The following GULP1 variants were observed in gnomAD, a reference collection of about 807,000 sequenced individuals.
The protein encoded by GULP1 is PTB domain-containing engulfment adapter protein 1.
Under a neutral mutation model 40.9 loss-of-function variants are expected in GULP1, and 19 were observed. That is an observed-to-expected ratio of 0.46 (90% CI 0.32 to 0.68). The LOEUF (loss-of-function observed/expected upper bound fraction) is 0.68. Ranked by LOEUF, GULP1 falls within the 30% of genes least tolerant of loss-of-function variation. The pLI, the probability that GULP1 is intolerant of heterozygous loss-of-function variation, is 0.03. For synonymous variants in GULP1, 119 were observed against 117.6 expected, an observed-to-expected ratio of 1.01 and a Z score of -0.08; for missense variants, 312 against 362.2, an observed-to-expected ratio of 0.86 and a Z score of 1.12.
chr2:188,572,932 C>T (rs1225897981), intron 9 of GULP1, among the ~76,000 whole-genome samples: 1 of 152,074 alleles, frequency 6.6e-6, no homozygotes, highest in Non-Finnish European at 1.5e-5. Context: ...TTCAAGAGAT[C>T]TCTTGTACAA....
At chr2:188,336,107 A>G (rs115615568) in intron 1 of GULP1, among the ~76,000 whole-genome samples, 18 of 152,296 alleles carry the variant, frequency 1.2e-4, no homozygotes, top group Middle Eastern at 3.4e-3. Flanking sequence ...TAAGCAGGTT[A>G]TATTAGATTG....
At chr2:188,398,988 A>G (rs1032647371) in intron 2 of GULP1, among the ~76,000 whole-genome samples, 2 of 152,220 alleles carry the variant, frequency 1.3e-5, no homozygotes, top group South Asian at 4.1e-4. Flanking sequence ...TCAGTTAGGT[A>G]GCCTGACAAT....
At chr2:188,477,904 C>T (rs1169854349) in intron 3 of GULP1, among the ~76,000 whole-genome samples, 174 bp downstream of exon 3, 2 of 152,080 alleles carry the variant, frequency 1.3e-5, no homozygotes, top group Non-Finnish European at 2.9e-5. Flanking sequence ...TTAGTTATCA[C>T]CCTAGTGAAA....
At chr2:188,570,221 A>C (rs1698728808) in intron 9 of GULP1, 101 bp downstream of exon 9, 2 of 624,838 alleles carry the variant, frequency 3.2e-6, no homozygotes, top group African/African-American at 3.9e-5. Flanking sequence ...GGGATCAGTA[A>C]TTTCAAAGTA....
intron 9 of GULP1, among the ~76,000 whole-genome samples, chr2:188,584,024 C>T (rs573299619): frequency 6.6e-6 from 1 of 152,064 alleles, no homozygotes; most frequent in Non-Finnish European, 1.5e-5. Context: ...CCGTTTTTGC[C>T]ATCATCTTTG....
At chr2:188,388,558 A>C (rs1011900649) in intron 2 of GULP1, among the ~76,000 whole-genome samples, 3 of 151,978 alleles carry the variant, frequency 2.0e-5, no homozygotes, top group African/African-American at 4.8e-5. Context: ...ATCAAAAAAA[A>C]CAAAAAACAA....
intron 9 of GULP1, among the ~76,000 whole-genome samples, chr2:188,575,228 T>A (rs968051198): frequency 4.6e-5 from 7 of 152,198 alleles, no homozygotes; most frequent in Non-Finnish European, 8.8e-5. Context: ...TATGTTACAA[T>A]GCATATCACT....
At position 188,477,876 on chromosome 2, in the gene GULP1, G is replaced by A. The variant is rs78363380; in HGVS notation, c.28+146G>A. On this transcript the variant is annotated intron_variant, in intron 3 of 11. Transcript: ENST00000409830. ...ATTAGAGCAACACAAATCTGCAAAC[G>A]TTGCTAATTAGCTTTCCTTAGTTAT... is the stretch of plus-strand genomic sequence containing the variant. The A allele has an allele frequency of 6.6e-3, 4,050 of 615,126 alleles. 98 individuals are homozygous for A. The highest frequency in any genetic ancestry group is 0.061 in the African/African-American group (3,145 of 51,938). 38.1% of individuals were successfully genotyped at this position (615,126 alleles called of 1,614,324 possible). A position where few individuals can be genotyped will look rare whatever the true frequency, so the allele number is the denominator to read the frequency against.
intron 1 of GULP1, among the ~76,000 whole-genome samples, chr2:188,364,815 A>G (rs2152399071): frequency 6.6e-6 from 1 of 150,410 alleles, no homozygotes; most frequent in East Asian, 1.9e-4. Flanking sequence ...ACATAAATAC[A>G]CATATATACA....
chr2:188,551,256 A>T (rs1465508778), intron 7 of GULP1, among the ~76,000 whole-genome samples: 1 of 151,592 alleles, frequency 6.6e-6, no homozygotes, highest in Non-Finnish European at 1.5e-5. Flanking sequence ...ACTATCAAAC[A>T]TTGAATTTAT....
intron 1 of GULP1, among the ~76,000 whole-genome samples, chr2:188,367,697 A>G (rs527883223): frequency 2.0e-5 from 3 of 152,188 alleles, no homozygotes; most frequent in Non-Finnish European, 4.4e-5. Context: ...GGGATGCACA[A>G]TTAGGAACGT....
At chr2:188,362,363 G>A (rs935681924) in intron 1 of GULP1, among the ~76,000 whole-genome samples, 5 of 152,056 alleles carry the variant, frequency 3.3e-5, no homozygotes, top group African/African-American at 1.2e-4. Context: ...CACCTCATAT[G>A]TTTCATAGAA....
At chr2:188,427,469 G>A (rs1174764387) in intron 2 of GULP1, among the ~76,000 whole-genome samples, 4 of 152,214 alleles carry the variant, frequency 2.6e-5, no homozygotes, top group African/African-American at 2.4e-5. Flanking sequence ...GAACTCAATC[G>A]TTTCATGGGC....
intron 9 of GULP1, among the ~76,000 whole-genome samples, chr2:188,581,152 G>A (rs1701234546): frequency 1.3e-5 from 2 of 152,138 alleles, no homozygotes; most frequent in East Asian, 1.9e-4. Context: ...CCTTTTAGGG[G>A]GCCTTAGGTG....
rs1399313503 is a variant in GULP1, at chr2:188,595,551, CAGAT to C, written c.*1543_*1546del. 2.0e-5 allele frequency: 3 copies of C among 151,906 alleles called. No individual in the cohort carries two copies. Among genetic ancestry groups the C allele is most frequent in the Non-Finnish European group, 4.4e-5 (3 of 67,680 alleles). The allele number at this position is 151,906 out of a possible 1,614,324, so 9.4% of individuals were successfully genotyped here. A position where few individuals can be genotyped will look rare whatever the true frequency, so the allele number is the denominator to read the frequency against. On this transcript the variant is annotated 3_prime_UTR_variant, in exon 12 of 12. Coordinates refer to ENST00000409830, the MANE Select transcript of GULP1 (RefSeq NM_016315.4). The stretch of plus-strand genomic sequence containing the variant: ...GAAGAGTCTTTATAATTTTGTTTGT[CAGAT>C]AGTATTTTGGAATTTGTATAATAAG...
intron 1 of GULP1, among the ~76,000 whole-genome samples, chr2:188,371,699 A>G (rs1375551081): frequency 6.6e-6 from 1 of 152,140 alleles, no homozygotes. Flanking sequence ...AATTAAGTTA[A>G]GCAAGCATTT....
rs538776756 is a variant in GULP1, at chr2:188,342,016, T to C, written c.-171-41747T>C. Among the ~76,000 whole-genome samples, 19 of 152,318 alleles carry C rather than the reference T, an allele frequency of 1.2e-4. No individual in the cohort carries two copies. The South Asian group carries it at 3.7e-3, about 30-fold the overall frequency. On this transcript the variant is annotated intron_variant, in intron 1 of 11. Coordinates refer to ENST00000409830, the MANE Select transcript of GULP1 (RefSeq NM_016315.4). ...TAGTGTGCTATATGAGCAGATATAT[T>C]TGAGATTTTATTATAACAGTCCTAA...
At chr2:188,305,361 T>C (rs1406370288) in intron 1 of GULP1, among the ~76,000 whole-genome samples, 3 of 152,166 alleles carry the variant, frequency 2.0e-5, no homozygotes, top group Admixed American at 1.3e-4. Context: ...ATAGGCATGA[T>C]TGACAACCAA....
At position 188,404,837 on chromosome 2, in the gene GULP1, C is replaced by G. The variant is rs563411790; in HGVS notation, c.-45+20948C>G. 5.3e-5 allele frequency among the ~76,000 whole-genome samples: 8 copies of G among 152,148 alleles called. No homozygotes were observed. The South Asian group carries it at 1.7e-3, about 32-fold the overall frequency. ...CCTAGGTTCCAGACCAGCTCCAAGCCAGGTTGGCCCATGCAACCCAGGCTT... is the reference window on the plus strand; with the variant it reads ...CCTAGGTTCCAGACCAGCTCCAAGCGAGGTTGGCCCATGCAACCCAGGCTT... On this transcript the variant is annotated intron_variant, in intron 2 of 11. Coordinates refer to ENST00000409830, the MANE Select transcript of GULP1 (RefSeq NM_016315.4).
Sources: allele counts gnomAD v4.1 joint callset (sites outside exome capture counted in the v4.1 genomes callset), GRCh38; gene constraint gnomAD v4.1.1; transcripts MANE v1.5; gene names NCBI Gene and HGNC (gene_info 2026-07-23, HGNC 2026-07-21).